EPB41L4B: variants seen among roughly 807,000 people sequenced by gnomAD.
EPB41L4B encodes erythrocyte membrane protein band 4.1 like 4B, also known as band 4.1-like protein 4B.
A neutral mutation model predicts 112.5 loss-of-function variants in EPB41L4B; 30 were observed. The ratio of observed to expected loss-of-function variants is 0.27; its 90% CI spans 0.20 to 0.36. EPB41L4B has a LOEUF of 0.36. Among genes scored for constraint, EPB41L4B ranks in the 10% least tolerant of loss-of-function variants. The pLI, the probability that EPB41L4B is intolerant of heterozygous loss-of-function variation, is 1.00. For missense variants in EPB41L4B, 1,024 were observed against 1,133.3 expected, an observed-to-expected ratio of 0.90 and a Z score of 1.38; for synonymous variants, 408 against 439.7, an observed-to-expected ratio of 0.93 and a Z score of 0.90.
At chr9:109,263,130 C>T (rs377643988) in intron 5 of EPB41L4B, 28 bp from the exon 6 acceptor site, 143 of 1,460,722 alleles carry the variant, frequency 9.8e-5, no homozygotes, top group East Asian at 4.0e-4. Flanking sequence ...GAAATTAATT[C>T]GAAATAGGAA....
At chr9:109,183,352 C>A (rs917383377) in intron 23 of EPB41L4B, among the ~76,000 whole-genome samples, 9 of 152,138 alleles carry the variant, frequency 5.9e-5, no homozygotes, top group African/African-American at 2.2e-4. Context: ...TAGAGGGAGA[C>A]CTCAGGGAAA....
At chr9:109,202,981 C>G (rs1832885375) in intron 19 of EPB41L4B, among the ~76,000 whole-genome samples, 1 of 151,962 alleles carries the variant, frequency 6.6e-6, no homozygotes, top group Non-Finnish European at 1.5e-5. Context: ...ATAGTGAAGC[C>G]CTGTCTCTAC....
chr9:109,283,396 G>C (rs1047744952), intron 1 of EPB41L4B, among the ~76,000 whole-genome samples: 8 of 152,190 alleles, frequency 5.3e-5, no homozygotes, highest in Admixed American at 4.6e-4. Context: ...CAGCCTTCAG[G>C]CTCTTTCCTT....
chr9:109,300,022 A>G (rs3793548), intron 1 of EPB41L4B, among the ~76,000 whole-genome samples: 2 of 152,174 alleles, frequency 1.3e-5, no homozygotes, highest in Non-Finnish European at 2.9e-5. Flanking sequence ...CTTCCGAGTC[A>G]CAGAAGGAGG....
intron 1 of EPB41L4B, among the ~76,000 whole-genome samples, chr9:109,299,005 G>A (rs1421395412): frequency 6.6e-6 from 1 of 152,096 alleles, no homozygotes; most frequent in Non-Finnish European, 1.5e-5. Context: ...ATTCTGCAAT[G>A]GGGTTACACA....
intron 17 of EPB41L4B, 72 bp downstream of exon 17, chr9:109,213,628 G>C (rs1291429850): frequency 6.2e-6 from 8 of 1,281,554 alleles, no homozygotes; most frequent in African/African-American, 5.9e-5. Flanking sequence ...TAGCAGGCAG[G>C]CTAGGGTAGT....
In EPB41L4B at chr9:109,256,393, C is replaced by T; in HGVS notation, c.840G>A (p.Arg280=). The T allele has an allele frequency of 6.2e-7, 1 of 1,614,012 alleles. No homozygotes were observed. Among genetic ancestry groups the T allele is most frequent in the Non-Finnish European group, 8.5e-7 (1 of 1,179,952 alleles). ...TTACTTAAACGCACACAGTTCTTAC[C>T]CTGACAACGTGCATGTCTACCCCAT... ...EMYGVDMHVV[R]GRDGCEYSLG... Residue 280 remains arginine, a splice_region_variant and synonymous_variant, in exon 8 of 26, where the codon AGG becomes AGA. Transcript: ENST00000374566.
At chr9:109,174,995 C>G (rs1413164736) in intron 25 of EPB41L4B, among the ~76,000 whole-genome samples, 1 of 144,566 alleles carries the variant, frequency 6.9e-6, no homozygotes, top group Non-Finnish European at 1.5e-5. Context: ...TGGCTCACTG[C>G]AACCTCCACC....
At chr9:109,262,815 T>C (rs566760568) in intron 6 of EPB41L4B, among the ~76,000 whole-genome samples, 2 of 152,300 alleles carry the variant, frequency 1.3e-5, no homozygotes, top group South Asian at 4.2e-4. Context: ...ATCCCCACAA[T>C]GGGCCTTCCT....
rs570576135 is a variant in EPB41L4B at position 109,269,767 on chromosome 9, G to C, written c.412-1334C>G. Among the ~76,000 whole-genome samples the C allele has an allele frequency of 2.0e-4, 31 of 152,280 alleles. No homozygotes were observed. The East Asian group carries it at 3.3e-3, about 16-fold the overall frequency. On this transcript the variant is annotated intron_variant, in intron 2 of 25. Transcript: ENST00000374566. The stretch of plus-strand genomic sequence containing the variant: ...TACTCATGAGTTACTCAGAGTCAGA[G>C]GCCATTCTGCTGACTGCCAATGGGC...
chr9:109,248,219 C>A (rs1290086274), intron 13 of EPB41L4B, among the ~76,000 whole-genome samples: 1 of 152,224 alleles, frequency 6.6e-6, no homozygotes. Context: ...GGCACCGATC[C>A]CTCCTGAGCA....
intron 17 of EPB41L4B, among the ~76,000 whole-genome samples, chr9:109,211,279 TAAC>T (rs745805286): frequency 8.6e-5 from 13 of 151,896 alleles, no homozygotes; most frequent in South Asian, 4.2e-4. Flanking sequence ...TCATGGATGA[TAAC>T]AACAACAACA....
At chr9:109,192,815 T>A (rs1226456631) in intron 21 of EPB41L4B, among the ~76,000 whole-genome samples, 1 of 152,208 alleles carries the variant, frequency 6.6e-6, no homozygotes, top group Non-Finnish European at 1.5e-5. Context: ...GAAAATGTTT[T>A]GCCCTCCTGC....
intron 12 of EPB41L4B, among the ~76,000 whole-genome samples, chr9:109,252,528 T>C (rs150096302): frequency 1.9e-3 from 293 of 152,200 alleles, no homozygotes; most frequent in Non-Finnish European, 3.2e-3. Flanking sequence ...AGTCATGCTG[T>C]TGCACCATCG....
chr9:109,217,178 A>C (rs1434224014), intron 15 of EPB41L4B, 33 bp from the exon 16 acceptor site: 2 of 1,602,294 alleles, frequency 1.2e-6, no homozygotes, highest in East Asian at 4.5e-5. Context: ...GATTTAGAAA[A>C]GCAGAATGCC....
intron 15 of EPB41L4B, among the ~76,000 whole-genome samples, chr9:109,227,884 T>C (rs1308885115): frequency 6.6e-6 from 1 of 152,118 alleles, no homozygotes; most frequent in Non-Finnish European, 1.5e-5. Flanking sequence ...CTGGCCCCTA[T>C]TGTCTAATTT....
chr9:109,196,717 C>T (rs993471639), intron 20 of EPB41L4B, among the ~76,000 whole-genome samples: 17 of 101,078 alleles, frequency 1.7e-4, no homozygotes, highest in Admixed American at 5.3e-4. Context: ...GCCTTGTCTC[C>T]GAAAAAAAAA....
Position 109,255,760 on chromosome 9 carries a change from G to A in EPB41L4B, c.999+14C>T, listed in dbSNP as rs770820125. The A allele has an allele frequency of 3.1e-6, 5 of 1,612,792 alleles. No individual in the cohort carries two copies. The highest frequency in any genetic ancestry group is 4.2e-6 in the Non-Finnish European group (5 of 1,179,444). ...TTTTCACAGCAAGGGGGAAGAAATG[G>A]GAGCCAGGCCTACCTGATCATCATC... On this transcript the variant is annotated intron_variant, in intron 10 of 25. Coordinates refer to ENST00000374566, the MANE Select transcript of EPB41L4B (RefSeq NM_019114.5).
intron 1 of EPB41L4B, among the ~76,000 whole-genome samples, chr9:109,314,817 C>T (rs1000324845): frequency 5.9e-5 from 9 of 152,154 alleles, no homozygotes; most frequent in African/African-American, 1.2e-4. Context: ...AGCAAGCCAC[C>T]CAGAGCCCTG....
Sources: allele counts gnomAD v4.1 joint callset (sites outside exome capture counted in the v4.1 genomes callset), GRCh38; gene constraint gnomAD v4.1.1; transcripts MANE v1.5; gene names NCBI Gene and HGNC (gene_info 2026-07-23, HGNC 2026-07-21).